The following ATAD3B variants were observed in gnomAD, a reference collection of about 807,000 sequenced individuals.
ATAD3B encodes the protein ATPase family AAA domain containing 3B, also known as ATPase family AAA domain-containing protein 3B.
A neutral mutation model predicts 70.2 loss-of-function variants in ATAD3B; 59 were observed. The observed-to-expected ratio is 0.84, with a 90% CI of 0.68 to 1.04. The LOEUF is 1.04. Ranked by LOEUF, ATAD3B falls within the 50% of genes least tolerant of loss-of-function variation. ATAD3B has a pLI of 0.00. For missense variants in ATAD3B, 961 were observed against 913.4 expected (o/e 1.05, Z -0.67); for synonymous variants, 423 against 388.6 (o/e 1.09, Z -1.04).
At chr1:1,480,573 G>C (rs1209089019) in intron 4 of ATAD3B, among the ~76,000 whole-genome samples, 2 of 147,852 alleles carry the variant, frequency 1.4e-5, no homozygotes, top group East Asian at 4.1e-4. Context: ...CTTAAGCCCA[G>C]CCTGAATCAG....
downstream of ATAD3B, among the ~76,000 whole-genome samples, chr1:1,500,682 A>G (rs148195194): frequency 0.017 from 2,521 of 150,460 alleles, 62 homozygotes; most frequent in Admixed American, 0.05. Context: ...GGCAGGGCGC[A>G]GTGGCTCATG....
intron 4 of ATAD3B, 126 bp downstream of exon 4, chr1:1,479,234 A>G (rs1321006505): frequency 8.5e-7 from 1 of 1,181,370 alleles, no homozygotes; most frequent in Non-Finnish European, 1.2e-6. Flanking sequence ...GTGCTAGAGC[A>G]GGGGAAACTA....
chr1:1,492,986 C>T (rs1286014896), intron 15 of ATAD3B, among the ~76,000 whole-genome samples: 1 of 151,658 alleles, frequency 6.6e-6, no homozygotes, highest in South Asian at 2.1e-4. Context: ...TAGCAGGCAC[C>T]TGTAATCCCA....
In ATAD3B at chr1:1,490,670, A is replaced by C. The variant is rs138009989; in HGVS notation, c.1613A>C (p.Gln538Pro). 0.013 allele frequency: 20,118 copies of C among 1,581,752 alleles called. 464 individuals carry two copies. The highest frequency in any genetic ancestry group is 0.015 in the Non-Finnish European group (17,574 of 1,164,746). The change falls in exon 15 of 16, where the codon CAG becomes CCG. Residue 538 changes from glutamine (Q) to proline (P), a missense_variant and splice_region_variant. By Grantham distance (76) the Gln-to-Pro change is moderately conservative. Coordinates refer to ENST00000673477, the MANE Select transcript of ATAD3B (RefSeq NM_031921.6). ...REIAQLAVSW[Q>P]ATAYASKDGV... ...ATCGCTCAGCTGGCCGTGTCCTGGCAGGTGAGTCAGGCTCCGGCACGTCCA... is the reference window on the plus strand; with the variant it reads ...ATCGCTCAGCTGGCCGTGTCCTGGCCGGTGAGTCAGGCTCCGGCACGTCCA...
At position 1,490,448 on chromosome 1, in the gene ATAD3B, C is replaced by T. The variant is rs752077404; in HGVS notation, c.1505+24C>T. On this transcript the variant is annotated intron_variant, in intron 14 of 15. Transcript: ENST00000673477. The stretch of plus-strand genomic sequence containing the variant: ...CGGTGAGTGTCCCGCCTCACCCGGC[C>T]CCCAATCCAGGCACCATATGGCATG... 1.9e-5 allele frequency: 31 copies of T among 1,612,730 alleles called. 2 individuals are homozygous for T. In the Admixed American group the frequency reaches 4.0e-4, roughly 21 times the overall value.
the ATAD3B span, among the ~76,000 whole-genome samples, chr1:1,504,889 A>G: frequency 0.99 from 150,479 of 152,260 alleles, 74,391 homozygotes; most frequent in East Asian, 1. Flanking sequence ...TGGTGGTGGT[A>G]AGCCACCGCG....
intron 15 of ATAD3B, among the ~76,000 whole-genome samples, chr1:1,492,228 T>G (rs1384126531): frequency 6.6e-6 from 1 of 151,882 alleles, no homozygotes; most frequent in East Asian, 1.9e-4. Flanking sequence ...GGCTCACTCC[T>G]GTAATCCCAG....
chr1:1,499,014 T>G (rs550341340), downstream of ATAD3B, among the ~76,000 whole-genome samples: 1 of 149,638 alleles, frequency 6.7e-6, no homozygotes, highest in Non-Finnish European at 1.5e-5. Flanking sequence ...TGCTGTCGCC[T>G]AGGCTGGAGT....
chr1:1,480,286 C>T (rs934990611), intron 4 of ATAD3B, among the ~76,000 whole-genome samples: 4 of 142,920 alleles, frequency 2.8e-5, no homozygotes, highest in Non-Finnish European at 4.5e-5. Context: ...CACACACAGA[C>T]CCCTTGTGTG....
intron 13 of ATAD3B, chr1:1,489,890 G>C: frequency 8.2e-7 from 1 of 1,219,024 alleles, no homozygotes. Flanking sequence ...CTTCTGGCTC[G>C]CATGGCCATA....
intron 1 of ATAD3B, among the ~76,000 whole-genome samples, chr1:1,472,925 C>T (rs1179463127): frequency 6.6e-6 from 1 of 151,634 alleles, no homozygotes; most frequent in Non-Finnish European, 1.5e-5. Flanking sequence ...CCTCCGCCTC[C>T]GATTCTCCTG....
rs1310832501 is a variant in ATAD3B, at chr1:1,488,465, A to G, written c.1266+551A>G. ...AGGGCTCAAACTTCTGAACTAAAGA[A>G]ATTCACCGGCCTTGGCCTGGCACAG... On this transcript the variant is annotated intron_variant, in intron 12 of 15. Transcript: ENST00000673477. 2.6e-5 allele frequency among the ~76,000 whole-genome samples: 4 copies of G among 152,174 alleles called. No individual in the cohort carries two copies. In the South Asian group the frequency reaches 8.3e-4, roughly 32 times the overall value.
chr1:1,495,511 G>GGT lies in ATAD3B; in HGVS notation c.1642_1643dup (p.Leu549SerfsTer6), dbSNP rs755492214. The GGT allele has an allele frequency of 6.2e-7, 1 of 1,610,104 alleles. No homozygotes were observed. Among genetic ancestry groups the GGT allele is most frequent in the East Asian group, 2.2e-5 (1 of 44,834 alleles). The stretch of plus-strand genomic sequence containing the variant: ...CCACGGCATATGCCTCCAAGGACGG[G>GGT]GTCCTCACTGAGGCCATGATGGACG... On this transcript the variant is annotated frameshift_variant, in exon 16 of 16. Transcript: ENST00000673477. LOFTEE classifies it low-confidence loss of function (END_TRUNC).
At chr1:1,504,664 AAAAG>A in the ATAD3B span, among the ~76,000 whole-genome samples, 4 of 138,162 alleles carry the variant, frequency 2.9e-5, no homozygotes, top group African/African-American at 1.3e-4. Flanking sequence ...AACAAAAAAA[AAAAG>A]AGAGAACAGG....
rs1314396619 is a variant in ATAD3B, at chr1:1,490,292, A to C, written c.1373A>C (p.Gln458Pro). ...GTCCTGGCCAGCAATCTGCCTGAGC[A>C]GTTCGACTGTGCCATCAACAGCCGC... ...MLVLASNLPE[Q>P]FDCAINSRID... The change falls in exon 14 of 16, where the codon CAG (glutamine) becomes CCG (proline). Residue 458 changes from glutamine (Q) to proline (P), a missense_variant. By Grantham distance (76) the Gln-to-Pro change is moderately conservative. Around this residue, in one of 4 missense-constraint regions of ATAD3B, gnomAD observed 417 missense variants for 335.0 expected, o/e 1.24. Transcript: ENST00000673477. 2.5e-6 allele frequency: 4 copies of C among 1,613,138 alleles called. No individual in the cohort carries two copies. In the East Asian group the frequency reaches 8.9e-5, roughly 36 times the overall value.
chr1:1,496,321 C>T lies in ATAD3B; in HGVS notation c.*504C>T. On this transcript the variant is annotated 3_prime_UTR_variant, in exon 16 of 16. Coordinates refer to ENST00000673477, the MANE Select transcript of ATAD3B (RefSeq NM_031921.6). ...GGAGCTTTCTGGAGAATTTACTGAT[C>T]ACAGAGCGGTGTGCTTCACATCAGC... 1 of 873,824 alleles carries T rather than the reference C, an allele frequency of 1.1e-6. No homozygotes were observed. Among genetic ancestry groups the T allele is most frequent in the Non-Finnish European group, 1.4e-6 (1 of 727,226 alleles). The allele number at this position is 873,824 out of a possible 1,614,324, so 54.1% of individuals were successfully genotyped here.
chr1:1,502,204 C>CT (rs903839728), downstream of ATAD3B, among the ~76,000 whole-genome samples: 4 of 148,032 alleles, frequency 2.7e-5, no homozygotes, highest in South Asian at 2.2e-4. Context: ...TTTACTCTGG[C>CT]TTTTTTTTTC....
chr1:1,487,421 G>T (rs1035422873), intron 11 of ATAD3B, among the ~76,000 whole-genome samples: 2 of 151,402 alleles, frequency 1.3e-5, no homozygotes, highest in African/African-American at 2.4e-5. Flanking sequence ...CCGGGAGGCA[G>T]AGCCTGCAGT....
intron 4 of ATAD3B, among the ~76,000 whole-genome samples, chr1:1,480,252 GCA>G (rs1639840073): frequency 7.8e-6 from 1 of 127,402 alleles, no homozygotes; most frequent in Non-Finnish European, 1.6e-5. Context: ...GTGAGGGCAT[GCA>G]CACACACGCC....
Sources: gnomAD v4.1 joint callset for allele counts (sites outside exome capture counted in the v4.1 genomes callset) on GRCh38, gnomAD v4.1.1 for gene constraint, gnomAD v4.1.1 regional missense constraint, MANE v1.5 for transcripts, NCBI Gene and HGNC (gene_info 2026-07-23, HGNC 2026-07-21) for gene names.